PRDM7: variants seen among roughly 807,000 people sequenced by gnomAD.
PRDM7 encodes the protein PR/SET domain 7, also known as histone-lysine N-methyltransferase PRDM7.
In PRDM7, 52 loss-of-function variants were observed where a neutral mutation model predicts 64.3. That is an observed-to-expected ratio of 0.81 (90% CI 0.65 to 1.02). The LOEUF (loss-of-function observed/expected upper bound fraction) is 1.02. Among genes scored for constraint, PRDM7 ranks in the 50% least tolerant of loss-of-function variants. PRDM7 has a pLI of 0.00. For missense variants in PRDM7, 574 were observed against 597.1 expected (o/e 0.96, Z 0.40); for synonymous variants, 192 against 210.1 (o/e 0.91, Z 0.74).
At position 90,062,148 on chromosome 16, in the gene PRDM7, GAGCAGCAC is replaced by G. The variant is rs1429777925; in HGVS notation, c.647_654del (p.Cys216SerfsTer48). 3.7e-6 allele frequency: 6 copies of G among 1,614,282 alleles called. No individual in the cohort carries two copies. Among genetic ancestry groups the G allele is most frequent in the Non-Finnish European group, 5.1e-6 (6 of 1,180,052 alleles). On this transcript the variant is annotated frameshift_variant, in exon 8 of 11. Transcript: ENST00000449207. LOFTEE classifies it high-confidence loss of function. Reference sequence around the variant, plus strand: ...TCCTTTACAAATGTAGGGGGCCCATGAGCAGCACAGCTGTCAATGAAGAAGTTCTGACA... The same window carrying G: ...TCCTTTACAAATGTAGGGGGCCCATGAGCTGTCAATGAAGAAGTTCTGACA...
rs1282178005 is a variant in PRDM7, at chr16:90,063,756, C to T, written c.364G>A (p.Ala122Thr). 7 of 1,614,190 alleles carry T rather than the reference C, an allele frequency of 4.3e-6. No homozygotes were observed. The highest frequency in any genetic ancestry group is 2.2e-5 in the South Asian group (2 of 91,088). Residue 122 changes from alanine (A) to threonine (T), a missense_variant, in exon 6 of 11, where the codon GCG (alanine) becomes ACG (threonine). Coordinates refer to ENST00000449207, the MANE Select transcript of PRDM7 (RefSeq NM_001098173.2). ...QSKHQKGMPK[A>T]SFNNESSLRE... ...AAACTAGATTCATTATTGAATGACGCCTTGGGCATTCCCTTTAATGTGAGA... is the reference window on the plus strand; with the variant it reads ...AAACTAGATTCATTATTGAATGACGTCTTGGGCATTCCCTTTAATGTGAGA...
chr16:90,071,002 T>C (rs1223432332), intron 4 of PRDM7, among the ~76,000 whole-genome samples: 1 of 152,240 alleles, frequency 6.6e-6, no homozygotes, highest in Non-Finnish European at 1.5e-5. Flanking sequence ...TATGATAGCC[T>C]CTGTCAAAAA....
intron 4 of PRDM7, among the ~76,000 whole-genome samples, chr16:90,072,016 G>A (rs2037965466): frequency 6.6e-6 from 1 of 152,106 alleles, no homozygotes. Flanking sequence ...GGATCATGAG[G>A]TCAGGAGATC....
At position 90,060,448 on chromosome 16, in the gene PRDM7, A is replaced by T. The variant is rs778611639; in HGVS notation, c.1126T>A (p.Ser376Thr). The change falls in exon 10 of 11, where the codon TCA (serine) becomes ACA (threonine). Residue 376 changes from serine to threonine, a missense_variant. Coordinates refer to ENST00000449207, the MANE Select transcript of PRDM7 (RefSeq NM_001098173.2). ...GIRSSIEPAESLGQAVNCWSG... is the reference protein window; with the variant it reads ...GIRSSIEPAETLGQAVNCWSG... ...CAGCAGTTCACAGCCTGGCCTAATGACTCGGCAGGTTCTATAGAAGATCTG... is the reference window on the plus strand; with the variant it reads ...CAGCAGTTCACAGCCTGGCCTAATGTCTCGGCAGGTTCTATAGAAGATCTG... The T allele has an allele frequency of 3.1e-6, 5 of 1,612,722 alleles. No individual in the cohort carries two copies. Among genetic ancestry groups the T allele is most frequent in the Non-Finnish European group, 4.2e-6 (5 of 1,179,738 alleles).
At chr16:90,062,924 A>C (rs2037807714) in intron 6 of PRDM7, among the ~76,000 whole-genome samples, 1 of 152,230 alleles carries the variant, frequency 6.6e-6, no homozygotes, top group Non-Finnish European at 1.5e-5. Context: ...ACAAAAGAAT[A>C]TATATTATCA....
Position 90,060,435 on chromosome 16 carries a change from G to A in PRDM7, c.1139C>T (p.Ala380Val). 7 of 1,613,624 alleles carry A rather than the reference G, an allele frequency of 4.3e-6. No individual in the cohort carries two copies. Among genetic ancestry groups the A allele is most frequent in the Non-Finnish European group, 5.9e-6 (7 of 1,179,842 alleles). Residue 380 changes from alanine (A) to valine (V), a missense_variant, in exon 10 of 11, where the codon GCT becomes GTT. Transcript: ENST00000449207. ...CCCCATACCAGACCAGCAGTTCACA[G>A]CCTGGCCTAATGACTCGGCAGGTTC... Reference protein sequence around the residue: ...SIEPAESLGQAVNCWSGMGMS... With the variant: ...SIEPAESLGQVVNCWSGMGMS...
Position 90,065,831 on chromosome 16 carries a change from A to G in PRDM7, c.351+1030T>C, listed in dbSNP as rs1022631873. On this transcript the variant is annotated intron_variant, in intron 5 of 10. Transcript: ENST00000449207. The stretch of plus-strand genomic sequence containing the variant: ...TGAAATCTAACTCAAAGATATTTTC[A>G]GCATTCCTTGACCCTGTTACTTATA... Among the ~76,000 whole-genome samples the G allele has an allele frequency of 4.0e-5, 6 of 151,378 alleles. 1 individual carries two copies. Among genetic ancestry groups the G allele is most frequent in the African/African-American group, 1.5e-4 (6 of 40,706 alleles).
rs556564774 is a variant in PRDM7 at position 90,057,993 on chromosome 16, G to A, written c.*296C>T. The A allele has an allele frequency of 3.7e-5, 60 of 1,605,366 alleles. No homozygotes were observed. Among genetic ancestry groups the A allele is most frequent in the East Asian group, 1.8e-4 (8 of 44,478 alleles). ...TGGTGACTGAGGAGGTCTGACTTCC[G>A]GCTAAAGCCCTCCCACACTCTCTGC... On this transcript the variant is annotated 3_prime_UTR_variant, in exon 11 of 11. Transcript: ENST00000449207.
chr16:90,062,964 A>T (rs1375366485), intron 6 of PRDM7, among the ~76,000 whole-genome samples: 1 of 152,206 alleles, frequency 6.6e-6, no homozygotes, highest in Non-Finnish European at 1.5e-5. Flanking sequence ...CCTCACATGT[A>T]TGAATTCATT....
intron 4 of PRDM7, among the ~76,000 whole-genome samples, chr16:90,067,564 G>C (rs969328342): frequency 6.7e-6 from 1 of 148,200 alleles, no homozygotes; most frequent in Non-Finnish European, 1.5e-5. Context: ...TCACCTCGAC[G>C]TAAAAAGGTC....
At chr16:90,064,406 T>C (rs760869894) in intron 5 of PRDM7, among the ~76,000 whole-genome samples, 9 of 103,150 alleles carry the variant, frequency 8.7e-5, no homozygotes, top group Non-Finnish European at 1.8e-4. Flanking sequence ...TACATGGTTT[T>C]GTTTTGTTTT....
In PRDM7 at chr16:90,060,457, G is replaced by T. The variant is rs3743815; in HGVS notation, c.1117C>A (p.Pro373Thr). Residue 373 changes from proline to threonine, a missense_variant, in exon 10 of 11, where the codon CCT becomes ACT. By Grantham distance (38) the Pro-to-Thr change is conservative. Transcript: ENST00000449207. ...QELGIRSSIE[P>T]AESLGQAVNC... Reference sequence around the variant, plus strand: ...ACAGCCTGGCCTAATGACTCGGCAGGTTCTATAGAAGATCTGATGCCCAGT... The same window carrying T: ...ACAGCCTGGCCTAATGACTCGGCAGTTTCTATAGAAGATCTGATGCCCAGT... 2.6e-5 allele frequency: 42 copies of T among 1,613,394 alleles called. No individual in the cohort carries two copies. The highest frequency in any genetic ancestry group is 1.8e-5 in the Non-Finnish European group (21 of 1,179,806).
In PRDM7 at chr16:90,057,447, C is replaced by CAAA. The variant is rs2037702907; in HGVS notation, c.*841_*842insTTT. On this transcript the variant is annotated 3_prime_UTR_variant, in exon 11 of 11. Transcript: ENST00000449207. ...AATTCCTGTGGAGACTTGAACTGAA[C>CAAA]GTTTGAGTTCTCTGTGGCCCTTCTG... 1 of 165,190 alleles carries CAAA rather than the reference C, an allele frequency of 6.1e-6. No individual in the cohort carries two copies. The highest frequency in any genetic ancestry group is 5.7e-5 in the Admixed American group (1 of 17,528). 10.2% of individuals were successfully genotyped at this position (165,190 alleles called of 1,614,324 possible).
intron 4 of PRDM7, among the ~76,000 whole-genome samples, chr16:90,071,426 G>C (rs1453004624): frequency 1.3e-5 from 2 of 152,190 alleles, no homozygotes; most frequent in African/African-American, 4.8e-5. Context: ...ACTGTGCCTG[G>C]CCCAGAGTGG....
chr16:90,059,735 C>G (rs1225289620), intron 10 of PRDM7, among the ~76,000 whole-genome samples: 1 of 152,190 alleles, frequency 6.6e-6, no homozygotes, highest in East Asian at 1.9e-4. Context: ...GCTCTCACAC[C>G]GATCCCAGGT....
intron 5 of PRDM7, among the ~76,000 whole-genome samples, chr16:90,065,408 A>AG (rs1361388758): frequency 6.7e-6 from 1 of 148,438 alleles, no homozygotes; most frequent in African/African-American, 2.5e-5. Context: ...AAAAAAAAAA[A>AG]AAAGAAAGAA....
At chr16:90,068,961 CCTGT>C (rs1194996394) in intron 4 of PRDM7, among the ~76,000 whole-genome samples, 2 of 151,204 alleles carry the variant, frequency 1.3e-5, no homozygotes, top group African/African-American at 4.9e-5. Context: ...GATTCAATGT[CCTGT>C]CTATCAAAAT....
intron 4 of PRDM7, among the ~76,000 whole-genome samples, chr16:90,072,537 C>G (rs1367422793): frequency 6.6e-6 from 1 of 152,086 alleles, no homozygotes; most frequent in African/African-American, 2.4e-5. Context: ...CTAAAGTAAC[C>G]AAATTCATAG....
chr16:90,058,219 G>C lies in PRDM7; in HGVS notation c.*70C>G, dbSNP rs751013102. 6.2e-7 allele frequency: 1 copy of C among 1,613,984 alleles called. No individual in the cohort carries two copies. The highest frequency in any genetic ancestry group is 1.3e-5 in the African/African-American group (1 of 74,880). On this transcript the variant is annotated 3_prime_UTR_variant, in exon 11 of 11. Transcript: ENST00000449207. ...TTCCATCATTCTTTCTCCCACTCTA[G>C]AGCTCCCCATTTGTCCTTTGGGTGG...
Sources: gnomAD v4.1 joint callset for allele counts (sites outside exome capture counted in the v4.1 genomes callset) on GRCh38, gnomAD v4.1.1 for gene constraint, MANE v1.5 for transcripts, NCBI Gene and HGNC (gene_info 2026-07-23, HGNC 2026-07-21) for gene names.